Variants in ABCA8 observed in about 807,000 individuals in gnomAD.
ABCA8 encodes the protein ABC-type organic anion transporter ABCA8.
ABCA8 carries 177 observed loss-of-function variants against 192.3 expected under a neutral mutation model. The observed-to-expected ratio is 0.92, with a 90% CI of 0.81 to 1.04. The LOEUF is 1.04. Among genes scored for constraint, ABCA8 ranks in the 50% least tolerant of loss-of-function variants. The pLI, the probability that ABCA8 is intolerant of heterozygous loss-of-function variation, is 0.00. For missense variants in ABCA8, 1,915 were observed against 1,904.8 expected (o/e 1.01, Z -0.10); for synonymous variants, 642 against 690.2 (o/e 0.93, Z 1.09).
At chr17:68,910,767 C>T (rs898990045) in intron 17 of ABCA8, among the ~76,000 whole-genome samples, 1 of 152,164 alleles carries the variant, frequency 6.6e-6, no homozygotes, top group South Asian at 2.1e-4. Context: ...GAATAGGACA[C>T]CAGGCAGAGT....
chr17:68,907,817 G>T lies in ABCA8; in HGVS notation c.2201C>A (p.Pro734His). 1 of 1,610,340 alleles carries T rather than the reference G, an allele frequency of 6.2e-7. No homozygotes were observed. The highest frequency in any genetic ancestry group is 8.5e-7 in the Non-Finnish European group (1 of 1,178,426). The stretch of plus-strand genomic sequence containing the variant: ...GCTTTTGGCTGATAATTTGGCATCA[G>T]GGATGTGCTGTTTAACAAGTGATGT... ...NITSLVKQHIPDAKLSAKSEG... is the reference protein window; with the variant it reads ...NITSLVKQHIHDAKLSAKSEG... The change falls in exon 18 of 40, where the codon CCT becomes CAT. Residue 734 changes from proline to histidine, a missense_variant. Physicochemically the swap from Pro to His is moderately conservative, Grantham distance 77 (BLOSUM62 -2). Coordinates refer to ENST00000586539, the MANE Select transcript of ABCA8 (RefSeq NM_001288985.2).
intron 2 of ABCA8, among the ~76,000 whole-genome samples, chr17:68,948,591 TG>T (rs529684435): frequency 3.2e-4 from 49 of 152,298 alleles, no homozygotes; most frequent in African/African-American, 1.1e-3. Context: ...TTGATGGGAT[TG>T]TTTTTTTCTT....
intron 1 of ABCA8, among the ~76,000 whole-genome samples, chr17:68,952,573 G>A (rs993706986): frequency 5.3e-5 from 8 of 152,288 alleles, no homozygotes; most frequent in Non-Finnish European, 8.8e-5. Flanking sequence ...ATGCATTTCT[G>A]TAGCGAGGCT....
intron 2 of ABCA8, 34 bp downstream of exon 2, chr17:68,949,278 A>T (rs1327371606): frequency 6.6e-6 from 1 of 152,194 alleles, no homozygotes; most frequent in Non-Finnish European, 1.5e-5. Flanking sequence ...GCTGATAACA[A>T]GTTCTGAGAT....
rs1389554406 is a variant in ABCA8, at chr17:68,935,570, T to TATA, written c.466+1380_466+1381insTAT. Among the ~76,000 whole-genome samples, 143 of 48,406 alleles carry TATA rather than the reference T, an allele frequency of 3.0e-3. 2 individuals are homozygous for TATA. The highest frequency in any genetic ancestry group is 5.8e-3 in the Admixed American group (35 of 6,006). 31.8% of individuals were successfully genotyped at this position (48,406 alleles called of 152,430 possible). A position where few individuals can be genotyped will look rare whatever the true frequency, so the allele number is the denominator to read the frequency against. The stretch of plus-strand genomic sequence containing the variant: ...TATATATATATATATATATATATAT[T>TATA]ATCTTCTTTATCCAGCCCTCTGTTG... On this transcript the variant is annotated intron_variant, in intron 5 of 39. Coordinates refer to ENST00000586539, the MANE Select transcript of ABCA8 (RefSeq NM_001288985.2).
Position 68,875,262 on chromosome 17 carries a change from T to G in ABCA8, c.4629A>C (p.Glu1543Asp). The G allele has an allele frequency of 6.2e-7, 1 of 1,613,600 alleles. No homozygotes were observed. The highest frequency in any genetic ancestry group is 1.7e-5 in the Admixed American group (1 of 60,024). ...LRLFPQAARQ[E>D]RYSSLMVYKL... The stretch of plus-strand genomic sequence containing the variant: ...TCCAAAACAGCAACCATGTTTACCT[T>G]TCCTGCCGAGCAGCCTGGGGGAAAA... The change falls in exon 37 of 40, where the codon GAA becomes GAC. Residue 1543 changes from glutamate (E) to aspartate (D), a missense_variant and splice_region_variant. Transcript: ENST00000586539.
intron 7 of ABCA8, among the ~76,000 whole-genome samples, chr17:68,930,573 T>C (rs575248196): frequency 6.6e-6 from 1 of 152,218 alleles, no homozygotes; most frequent in Non-Finnish European, 1.5e-5. Flanking sequence ...TAGCAATTAA[T>C]ATGCATTGAA....
rs1306914406 is a variant in ABCA8, at chr17:68,883,113, G to A, written c.3708-394C>T. On this transcript the variant is annotated intron_variant, in intron 29 of 39. Coordinates refer to ENST00000586539, the MANE Select transcript of ABCA8 (RefSeq NM_001288985.2). ...ATTTCTTCAGAATATGTGGCATATT[G>A]ACTTTTCCTCTCCATTCTAAGTCTG... 5.9e-5 allele frequency among the ~76,000 whole-genome samples: 9 copies of A among 152,068 alleles called. 1 individual carries two copies. Among genetic ancestry groups the A allele is most frequent in the Admixed American group, 3.9e-4 (6 of 15,274 alleles).
rs533190117 is a variant in ABCA8, at chr17:68,905,988, C to G, written c.2398+56G>C. On this transcript the variant is annotated intron_variant, in intron 19 of 39. Transcript: ENST00000586539. ...ACATTTTGTAATCACATCTTTGGAA[C>G]AGTGTGTTCTTGAAATATGTGCTTT... 5.6e-5 allele frequency: 80 copies of G among 1,436,862 alleles called. 1 individual carries two copies. In the Admixed American group the frequency reaches 1.7e-3, roughly 31 times the overall value. The allele number at this position is 1,436,862 out of a possible 1,614,324, so 89.0% of individuals were successfully genotyped here. A position where few individuals can be genotyped will look rare whatever the true frequency, so the allele number is the denominator to read the frequency against.
intron 5 of ABCA8, among the ~76,000 whole-genome samples, chr17:68,934,715 T>A (rs1172931812): frequency 6.6e-6 from 1 of 152,242 alleles, no homozygotes; most frequent in Non-Finnish European, 1.5e-5. Context: ...ATAAGTTATG[T>A]GCACTTCAAC....
intron 21 of ABCA8, among the ~76,000 whole-genome samples, chr17:68,899,965 C>T (rs1210691803): frequency 2.0e-5 from 3 of 152,000 alleles, no homozygotes; most frequent in African/African-American, 7.2e-5. Flanking sequence ...CTTAGAGGGA[C>T]GTTTATAGCT....
intron 23 of ABCA8, among the ~76,000 whole-genome samples, chr17:68,893,345 A>G (rs16973413): frequency 2.0e-5 from 3 of 152,324 alleles, no homozygotes; most frequent in Middle Eastern, 6.8e-3. Context: ...GGCTATATAC[A>G]TTCCGATCAC....
intron 7 of ABCA8, among the ~76,000 whole-genome samples, chr17:68,930,640 C>T (rs1342927249): frequency 6.6e-6 from 1 of 152,060 alleles, no homozygotes; most frequent in Non-Finnish European, 1.5e-5. Flanking sequence ...TTCAGAATAC[C>T]ATTATTTTCC....
At position 68,881,005 on chromosome 17, in the gene ABCA8, T is replaced by C. The variant is rs1456440660; in HGVS notation, c.4038+115A>G. 5.4e-6 allele frequency: 4 copies of C among 743,816 alleles called. No homozygotes were observed. In the African/African-American group the frequency reaches 7.0e-5, roughly 13 times the overall value. The allele number at this position is 743,816 out of a possible 1,614,324, so 46.1% of individuals were successfully genotyped here. A position where few individuals can be genotyped will look rare whatever the true frequency, so the allele number is the denominator to read the frequency against. On this transcript the variant is annotated intron_variant, in intron 32 of 39. Coordinates refer to ENST00000586539, the MANE Select transcript of ABCA8 (RefSeq NM_001288985.2). ...TCGTGAATTTATTCTCTTGGGTAGTTCATTAATCACTTCAGTTATATAAGG... is the reference window on the plus strand; with the variant it reads ...TCGTGAATTTATTCTCTTGGGTAGTCCATTAATCACTTCAGTTATATAAGG...
intron 17 of ABCA8, among the ~76,000 whole-genome samples, chr17:68,910,994 G>A (rs911549171): frequency 3.3e-5 from 5 of 152,050 alleles, no homozygotes; most frequent in African/African-American, 9.7e-5. Context: ...CTGGCTTCAG[G>A]TTTGACCTAG....
chr17:68,876,745 G>T, intron 33 of ABCA8, 42 bp from the exon 34 acceptor site: 1 of 1,612,390 alleles, frequency 6.2e-7, no homozygotes, highest in Non-Finnish European at 8.5e-7. Flanking sequence ...TTGACAAGAG[G>T]AAATAGATAA....
At chr17:68,921,061 G>T (rs1482726988) in intron 13 of ABCA8, among the ~76,000 whole-genome samples, 4 of 152,254 alleles carry the variant, frequency 2.6e-5, no homozygotes, top group Middle Eastern at 3.4e-3. Flanking sequence ...GGACATGGAT[G>T]AAGCTGGAAA....
At position 68,876,441 on chromosome 17, in the gene ABCA8, C is replaced by T. The variant is rs2066207396; in HGVS notation, c.4370+19G>A. On this transcript the variant is annotated intron_variant, in intron 35 of 39. Coordinates refer to ENST00000586539, the MANE Select transcript of ABCA8 (RefSeq NM_001288985.2). ...TGCAAGTCATCCGTGCTGTCCCTGA[C>T]CGTGGTAATGTTCCTCACCACATTT... is the stretch of plus-strand genomic sequence containing the variant. 6.2e-7 allele frequency: 1 copy of T among 1,613,794 alleles called. No homozygotes were observed. Among genetic ancestry groups the T allele is most frequent in the Non-Finnish European group, 8.5e-7 (1 of 1,179,750 alleles).
At chr17:68,884,553 TC>T in intron 27 of ABCA8, 157 bp from the exon 28 acceptor site, 2 of 1,331,470 alleles carry the variant, frequency 1.5e-6, no homozygotes, top group African/African-American at 3.0e-5. Context: ...CTGTCTTCCT[TC>T]CTCCCAAGGT....
Sources: gnomAD v4.1 joint callset for allele counts (sites outside exome capture counted in the v4.1 genomes callset) on GRCh38, gnomAD v4.1.1 for gene constraint, MANE v1.5 for transcripts, NCBI Gene and HGNC (gene_info 2026-07-23, HGNC 2026-07-21) for gene names.